COL4A3: variants seen among roughly 807,000 people sequenced by gnomAD.
The protein encoded by COL4A3 is collagen type IV alpha 3 chain.
COL4A3 carries 135 observed loss-of-function variants against 217.4 expected under a neutral mutation model. That is an observed-to-expected ratio of 0.62 (90% CI 0.54 to 0.72). The LOEUF (loss-of-function observed/expected upper bound fraction) is 0.72, where lower values mean the gene tolerates loss of function less well. Ranked by LOEUF, COL4A3 falls within the 30% of genes least tolerant of loss-of-function variation. The probability of loss-of-function intolerance (pLI) is 0.00; values close to 1 mark genes in which losing one functional copy is unlikely to be tolerated. For synonymous variants in COL4A3, 690 were observed against 736.3 expected, an observed-to-expected ratio of 0.94 and a Z score of 1.02; for missense variants, 1,868 against 2,119.9, an observed-to-expected ratio of 0.88 and a Z score of 2.33.
rs375943584 is a variant in COL4A3, at chr2:227,236,663, A to ATTTTTT, written c.88-1304_88-1299dup. Among the ~76,000 whole-genome samples the ATTTTTT allele has an allele frequency of 4.2e-3, 605 of 144,684 alleles. 11 individuals are homozygous for ATTTTTT. Among genetic ancestry groups the ATTTTTT allele is most frequent in the East Asian group, 7.4e-3 (37 of 5,004 alleles). 94.9% of individuals were successfully genotyped at this position (144,684 alleles called of 152,430 possible). A position where few individuals can be genotyped will look rare whatever the true frequency, so the allele number is the denominator to read the frequency against. ...ATATGCAGCATATATGTCAAAACAC[A>ATTTTTT]TTTTTTCTTTTTTTGAGACAGAGTC... On this transcript the variant is annotated intron_variant, in intron 1 of 51. Transcript: ENST00000396578.
At chr2:227,216,434 A>G (rs1264757550) in intron 1 of COL4A3, among the ~76,000 whole-genome samples, 1 of 152,172 alleles carries the variant, frequency 6.6e-6, no homozygotes, top group Non-Finnish European at 1.5e-5. Context: ...ACCTTACCGC[A>G]TCTCTTTATT....
chr2:227,242,995 C>T (rs908812553), intron 3 of COL4A3, among the ~76,000 whole-genome samples: 3 of 152,194 alleles, frequency 2.0e-5, no homozygotes, highest in African/African-American at 4.8e-5. Flanking sequence ...AAGGCATGGA[C>T]CCAGGTTTTC....
intron 1 of COL4A3, among the ~76,000 whole-genome samples, chr2:227,211,808 C>T (rs2067334248): frequency 6.6e-6 from 1 of 152,076 alleles, no homozygotes. Flanking sequence ...CAGGGGTGCG[C>T]CACCACGCCC....
chr2:227,193,020 A>G (rs1004937126), intron 1 of COL4A3, among the ~76,000 whole-genome samples: 7 of 152,200 alleles, frequency 4.6e-5, no homozygotes, highest in African/African-American at 1.7e-4. Context: ...TTCAATTTCT[A>G]TATTTACCTT....
At chr2:227,260,303 A>G (rs2125958868) in intron 19 of COL4A3, among the ~76,000 whole-genome samples, 1 of 152,302 alleles carries the variant, frequency 6.6e-6, no homozygotes, top group Non-Finnish European at 1.5e-5. Flanking sequence ...TTATTGTCAC[A>G]TGTACTTATG....
chr2:227,310,240 T>C (rs1331051371), intron 50 of COL4A3, among the ~76,000 whole-genome samples: 1 of 152,166 alleles, frequency 6.6e-6, no homozygotes, highest in Non-Finnish European at 1.5e-5. Context: ...ATGACTGTCA[T>C]AGCTGCACGC....
intron 37 of COL4A3, 165 bp downstream of exon 37, chr2:227,291,051 T>G (rs2072668885): frequency 5.1e-6 from 4 of 786,498 alleles, no homozygotes; most frequent in Non-Finnish European, 8.0e-6. Context: ...CAGAGGATGC[T>G]TGTCTGTCAC....
Position 227,277,563 on chromosome 2 carries a change from A to C in COL4A3, c.2125+10A>C. 1 of 1,544,778 alleles carries C rather than the reference A, an allele frequency of 6.5e-7. No homozygotes were observed. Among genetic ancestry groups the C allele is most frequent in the Non-Finnish European group, 8.9e-7 (1 of 1,124,840 alleles). On this transcript the variant is annotated intron_variant, in intron 28 of 51. Transcript: ENST00000396578. ...CCTCCTGGACCTAAGGGTAAATTTA[A>C]AATTTTTTCAAACATAAAGTTTGTT...
At chr2:227,221,025 T>C (rs1232271036) in intron 1 of COL4A3, 1 of 152,258 alleles carries the variant, frequency 6.6e-6, no homozygotes, top group Non-Finnish European at 1.5e-5. Flanking sequence ...AGCTGGATGC[T>C]TTTGTCCAAT....
At chr2:227,249,230 A>ATATATATATATATTTT in intron 9 of COL4A3, among the ~76,000 whole-genome samples, 2 of 14,682 alleles carry the variant, frequency 1.4e-4, no homozygotes, top group African/African-American at 5.3e-4. Context: ...ATATATATAT[A>ATATATATATATATTTT]TTTTTTTTTT....
At chr2:227,198,202 G>T (rs2066554832) in intron 1 of COL4A3, among the ~76,000 whole-genome samples, 1 of 152,152 alleles carries the variant, frequency 6.6e-6, no homozygotes, top group Non-Finnish European at 1.5e-5. Flanking sequence ...AAGTGATAGT[G>T]GAGGCAGCTA....
intron 38 of COL4A3, 29 bp from the exon 39 acceptor site, chr2:227,294,457 CTTTT>C: frequency 7.4e-7 from 1 of 1,354,558 alleles, no homozygotes. Flanking sequence ...TTTTGGTGAT[CTTTT>C]TTCTTCCTTC....
rs2069692264 is a variant in COL4A3 at position 227,250,729 on chromosome 2, C to T, written c.547-411C>T. On this transcript the variant is annotated intron_variant, in intron 9 of 51. Transcript: ENST00000396578. The surrounding 1 kb of genome is among the most constrained non-coding windows in gnomAD (Gnocchi z 4.1). ...GGAAAGGATGACAATTGCATAAAGA[C>T]AAGAAAAGGAAAAGGGAGTGAGTTA... Among the ~76,000 whole-genome samples, 1 of 151,418 alleles carries T rather than the reference C, an allele frequency of 6.6e-6. No homozygotes were observed. Among genetic ancestry groups the T allele is most frequent in the South Asian group, 2.1e-4 (1 of 4,774 alleles).
chr2:227,252,656 T>C (rs2069846839), intron 11 of COL4A3, among the ~76,000 whole-genome samples: 1 of 151,874 alleles, frequency 6.6e-6, no homozygotes, highest in East Asian at 1.9e-4. Flanking sequence ...ATGGATAGGT[T>C]CTGGTTAAGT....
Position 227,224,429 on chromosome 2 carries a change from AAAAC to A in COL4A3, c.88-13523_88-13520del, listed in dbSNP as rs748607325. Among the ~76,000 whole-genome samples, 175 of 152,324 alleles carry A rather than the reference AAAAC, an allele frequency of 1.1e-3. 1 individual carries two copies. The highest frequency in any genetic ancestry group is 3.4e-3 in the Admixed American group (52 of 15,304). ...TAAGCTAGTAGTTTTCCAAACTGAA[AAAAC>A]AAACAAACAAACAAAAAATTACTTA... On this transcript the variant is annotated intron_variant, in intron 1 of 51. Transcript: ENST00000396578.
chr2:227,183,761 C>A (rs1335453633), intron 1 of COL4A3, among the ~76,000 whole-genome samples: 2 of 152,200 alleles, frequency 1.3e-5, no homozygotes, highest in Non-Finnish European at 2.9e-5. Flanking sequence ...GAGAACTACT[C>A]TCTCCTCCTT....
At chr2:227,218,071 T>TATATAGTCAC (rs1489349384) in intron 1 of COL4A3, among the ~76,000 whole-genome samples, 7 of 55,672 alleles carry the variant, frequency 1.3e-4, no homozygotes, top group African/African-American at 4.2e-4. Flanking sequence ...AAAATAACTA[T>TATATAGTCAC]ATATATAGCT....
Position 227,312,042 on chromosome 2 carries a change from CTGTGAT to C in COL4A3, c.*173_*178del. 6 of 1,216,246 alleles carry C rather than the reference CTGTGAT, an allele frequency of 4.9e-6. No homozygotes were observed. Among genetic ancestry groups the C allele is most frequent in the Non-Finnish European group, 6.9e-6 (6 of 866,202 alleles). 75.3% of individuals were successfully genotyped at this position (1,216,246 alleles called of 1,614,324 possible). On this transcript the variant is annotated 3_prime_UTR_variant, in exon 52 of 52. Coordinates refer to ENST00000396578, the MANE Select transcript of COL4A3 (RefSeq NM_000091.5). ...ACAAAGCAATTCTTTCAAGTCAGTT[CTGTGAT>C]CTGGGTCTCTAATCTGTGCTGTTTC...
At chr2:227,190,004 T>TA (rs2066171271) in intron 1 of COL4A3, among the ~76,000 whole-genome samples, 1 of 152,070 alleles carries the variant, frequency 6.6e-6, no homozygotes, top group Non-Finnish European at 1.5e-5. Context: ...TTGCATGCTC[T>TA]AACGCCATAA....
Sources: allele counts gnomAD v4.1 joint callset (sites outside exome capture counted in the v4.1 genomes callset), GRCh38; gene constraint gnomAD v4.1.1; non-coding constraint Gnocchi (gnomAD v3.1); transcripts MANE v1.5; gene names NCBI Gene and HGNC (gene_info 2026-07-23, HGNC 2026-07-21).